The following SCML4 variants were observed in gnomAD, a reference collection of about 807,000 sequenced individuals.
SCML4 encodes the protein Scm polycomb group protein like 4.
Under a neutral mutation model 41.1 loss-of-function variants are expected in SCML4, and 34 were observed. The ratio of observed to expected loss-of-function variants is 0.83; its 90% CI spans 0.63 to 1.10. SCML4 has a LOEUF of 1.10. SCML4 is among the 50% of genes least tolerant of loss of function. The pLI is 0.00. For missense variants in SCML4, 522 were observed against 534.1 expected, an observed-to-expected ratio of 0.98 and a Z score of 0.22; for synonymous variants, 214 against 220.9, an observed-to-expected ratio of 0.97 and a Z score of 0.28.
chr6:107,741,210 A>G (rs966028346), intron 5 of SCML4, among the ~76,000 whole-genome samples: 2 of 152,176 alleles, frequency 1.3e-5, no homozygotes, highest in Non-Finnish European at 2.9e-5. Flanking sequence ...CAGAACTCAA[A>G]TATGAAGAGG....
the SCML4 span, among the ~76,000 whole-genome samples, chr6:107,832,905 G>A: frequency 6.6e-6 from 1 of 152,202 alleles, no homozygotes; most frequent in Admixed American, 6.5e-5. Flanking sequence ...TGAATTTCTT[G>A]CAGAAACTCA....
In SCML4 at chr6:107,804,262, CACA is replaced by C. The variant is rs1783553299; in HGVS notation, c.-60+19861_-60+19863del. Among the ~76,000 whole-genome samples the C allele has an allele frequency of 1.1e-4, 4 of 37,026 alleles. No individual in the cohort carries two copies. In the Admixed American group the frequency reaches 1.1e-3, roughly 10 times the overall value. 24.3% of individuals were successfully genotyped at this position (37,026 alleles called of 152,430 possible). ...TAAACATGAAACGTGTGTGTGTGTG[CACA>C]ACTTGTACAACTCAAAAATATAATT... On this transcript the variant is annotated intron_variant, in intron 1 of 7. Coordinates refer to ENST00000369020, the MANE Select transcript of SCML4 (RefSeq NM_198081.5).
At chr6:107,813,326 A>C (rs1193134760) in intron 1 of SCML4, among the ~76,000 whole-genome samples, 1 of 141,608 alleles carries the variant, frequency 7.1e-6, no homozygotes, top group Non-Finnish European at 1.5e-5. Flanking sequence ...TCGTGCTACT[A>C]CACTCCAGCC....
intron 1 of SCML4, among the ~76,000 whole-genome samples, chr6:107,817,639 A>G (rs1182052946): frequency 1.3e-5 from 2 of 151,394 alleles, no homozygotes; most frequent in African/African-American, 4.9e-5. Flanking sequence ...AAAAAAAGAA[A>G]AAAAAAAATC....
At chr6:107,764,236 G>C (rs368964107) in intron 2 of SCML4, among the ~76,000 whole-genome samples, 120 of 152,328 alleles carry the variant, frequency 7.9e-4, no homozygotes, top group Middle Eastern at 3.4e-3. Context: ...TTCTGCACTT[G>C]GGGGAGATGT....
At chr6:107,814,829 G>A (rs1328972621) in intron 1 of SCML4, among the ~76,000 whole-genome samples, 3 of 152,094 alleles carry the variant, frequency 2.0e-5, no homozygotes, top group Admixed American at 6.5e-5. Context: ...CTGGGATTAC[G>A]AGCGTGAGCC....
intron 5 of SCML4, among the ~76,000 whole-genome samples, chr6:107,726,490 G>A (rs1392293830): frequency 7.5e-6 from 1 of 134,096 alleles, no homozygotes; most frequent in Non-Finnish European, 1.5e-5. Flanking sequence ...CTGAGATCGT[G>A]CCACTGCACT....
intron 6 of SCML4, among the ~76,000 whole-genome samples, chr6:107,716,145 T>C (rs543695965): frequency 3.4e-4 from 52 of 152,334 alleles, no homozygotes; most frequent in Admixed American, 1.0e-3. Context: ...ACATTTTTAG[T>C]TGTGCAAATT....
intron 1 of SCML4, among the ~76,000 whole-genome samples, chr6:107,808,172 G>A (rs901838473): frequency 4.6e-5 from 7 of 152,046 alleles, no homozygotes; most frequent in African/African-American, 1.4e-4. Context: ...AAGCCAAAGG[G>A]GGAAAAAACC....
At chr6:107,794,248 A>T (rs997702555) in intron 1 of SCML4, among the ~76,000 whole-genome samples, 1 of 152,240 alleles carries the variant, frequency 6.6e-6, no homozygotes, top group Non-Finnish European at 1.5e-5. Context: ...TAAACAGATT[A>T]AAATGGAAAT....
intron 1 of SCML4, among the ~76,000 whole-genome samples, chr6:107,823,790 T>G (rs769454215): frequency 1.3e-5 from 2 of 152,208 alleles, no homozygotes; most frequent in Non-Finnish European, 2.9e-5. Flanking sequence ...ACCGGTTACT[T>G]GAGTTCACAT....
intron 1 of SCML4, among the ~76,000 whole-genome samples, chr6:107,797,642 C>T (rs966126467): frequency 6.6e-6 from 1 of 151,782 alleles, no homozygotes; most frequent in African/African-American, 2.4e-5. Context: ...TGCCTTGTTA[C>T]AGTGGTTGGA....
intron 6 of SCML4, among the ~76,000 whole-genome samples, chr6:107,715,110 G>A (rs868581827): frequency 6.6e-6 from 1 of 150,524 alleles, no homozygotes; most frequent in Non-Finnish European, 1.5e-5. Context: ...GAGTAGCTGG[G>A]ATTACAGGCA....
intron 1 of SCML4, among the ~76,000 whole-genome samples, chr6:107,813,014 A>G (rs1439916339): frequency 6.6e-6 from 1 of 152,018 alleles, no homozygotes; most frequent in African/African-American, 2.4e-5. Flanking sequence ...AAATAAATAC[A>G]TTTTAATGAA....
Position 107,703,239 on chromosome 6 carries a change from CACTTT to C in SCML4, c.*1956_*1960del, listed in dbSNP as rs1456423398. 3.9e-5 allele frequency among the ~76,000 whole-genome samples: 6 copies of C among 152,154 alleles called. No homozygotes were observed. The highest frequency in any genetic ancestry group is 7.3e-5 in the Non-Finnish European group (5 of 68,030). Reference sequence around the variant, plus strand: ...TTTACTTTCTTAATAAACTTGCTTTCACTTTACTTTATGGACTCACCCTGAATTCT... The same window carrying C: ...TTTACTTTCTTAATAAACTTGCTTTCACTTTATGGACTCACCCTGAATTCT... On this transcript the variant is annotated 3_prime_UTR_variant, in exon 8 of 8. Coordinates refer to ENST00000369020, the MANE Select transcript of SCML4 (RefSeq NM_198081.5).
intron 5 of SCML4, among the ~76,000 whole-genome samples, chr6:107,726,970 C>A (rs566883136): frequency 1.1e-4 from 16 of 152,292 alleles, no homozygotes; most frequent in African/African-American, 3.9e-4. Flanking sequence ...TACAGCAGCC[C>A]TATTCATAAT....
chr6:107,782,400 G>C (rs1781573392), intron 1 of SCML4, among the ~76,000 whole-genome samples: 1 of 152,196 alleles, frequency 6.6e-6, no homozygotes, highest in Non-Finnish European at 1.5e-5. Context: ...AGAAGGGAGG[G>C]ATCCGGTCCC....
intron 6 of SCML4, among the ~76,000 whole-genome samples, chr6:107,710,501 C>T (rs1268913007): frequency 6.8e-5 from 7 of 103,410 alleles, no homozygotes; most frequent in South Asian, 3.7e-4. Flanking sequence ...AGGGGCCAGA[C>T]GCAGTGGCTC....
At position 107,815,403 on chromosome 6, in the gene SCML4, C is replaced by G. The variant is rs191161497; in HGVS notation, c.-60+8723G>C. Among the ~76,000 whole-genome samples, 135 of 152,308 alleles carry G rather than the reference C, an allele frequency of 8.9e-4. 1 individual carries two copies. The highest frequency in any genetic ancestry group is 6.9e-3 in the Admixed American group (106 of 15,306). Reference sequence around the variant, plus strand: ...GGGACTAACTTATTTTACAAAAAAGCAATATGTATTTCTGCTCAGCTGTAA... The same window carrying G: ...GGGACTAACTTATTTTACAAAAAAGGAATATGTATTTCTGCTCAGCTGTAA... On this transcript the variant is annotated intron_variant, in intron 1 of 7. Coordinates refer to ENST00000369020, the MANE Select transcript of SCML4 (RefSeq NM_198081.5).
Sources: gnomAD v4.1 joint callset for allele counts (sites outside exome capture counted in the v4.1 genomes callset) on GRCh38, gnomAD v4.1.1 for gene constraint, MANE v1.5 for transcripts, NCBI Gene and HGNC (gene_info 2026-07-23, HGNC 2026-07-21) for gene names.